Variants in CNIH3 observed in about 807,000 individuals in gnomAD.
CNIH3 encodes cornichon family AMPA receptor auxiliary protein 3.
CNIH3 carries 14 observed loss-of-function variants against 24.1 expected under a neutral mutation model. The observed-to-expected ratio is 0.58, with a 90% CI of 0.38 to 0.91. CNIH3 has a LOEUF of 0.91. Among genes scored for constraint, CNIH3 ranks in the 40% least tolerant of loss-of-function variants. The pLI is 0.00. For missense variants in CNIH3, 178 were observed against 196.8 expected (o/e 0.90, Z 0.57); for synonymous variants, 68 against 73.8 (o/e 0.92, Z 0.40).
chr1:224,512,369 C>T (rs1678190929), upstream of CNIH3, among the ~76,000 whole-genome samples: 1 of 152,128 alleles, frequency 6.6e-6, no homozygotes, highest in Admixed American at 6.5e-5. Context: ...GTAGTTCTAG[C>T]TACTTGGGAG....
At chr1:224,672,191 G>C (rs940248998) in intron 1 of CNIH3, among the ~76,000 whole-genome samples, 3 of 152,104 alleles carry the variant, frequency 2.0e-5, no homozygotes, top group Non-Finnish European at 4.4e-5. Flanking sequence ...ATTGTATTCT[G>C]AGCGTGGGTT....
rs576361319 is a variant in CNIH3, at chr1:224,706,096, C to A, written c.198+21253C>A. On this transcript the variant is annotated intron_variant, in intron 3 of 5. Coordinates refer to ENST00000272133, the MANE Select transcript of CNIH3 (RefSeq NM_152495.2). ...ACTGAGTCTGTTATGAGTCCAACAC[C>A]AGTGCCCGCACATTGTAGGTGTCCA... Among the ~76,000 whole-genome samples, 7 of 152,202 alleles carry A rather than the reference C, an allele frequency of 4.6e-5. No homozygotes were observed. In the South Asian group the frequency reaches 1.5e-3, roughly 32 times the overall value.
At chr1:224,505,784 C>T (rs908268605) in intron 1 of CNIH3, among the ~76,000 whole-genome samples, 2 of 152,182 alleles carry the variant, frequency 1.3e-5, no homozygotes, top group African/African-American at 4.8e-5. Flanking sequence ...ATTTTATTTA[C>T]TGTTTATACC....
intron 5 of CNIH3, among the ~76,000 whole-genome samples, chr1:224,738,668 C>A (rs1032438677): frequency 6.6e-6 from 1 of 152,040 alleles, no homozygotes; most frequent in East Asian, 1.9e-4. Flanking sequence ...GCAAAATTAC[C>A]CTGAAGCCCT....
downstream of CNIH3, among the ~76,000 whole-genome samples, chr1:224,539,409 T>C (rs1499284): frequency 0.017 from 2,583 of 152,340 alleles, 80 homozygotes; most frequent in African/African-American, 0.058. Flanking sequence ...TTGACTCTTA[T>C]GGATTATTTC....
At chr1:224,434,876 A>G in intron 1 of CNIH3, 1 of 983,922 alleles carries the variant, frequency 1.0e-6, no homozygotes, top group Non-Finnish European at 1.2e-6. Context: ...TGGAACCTAT[A>G]GGGGGCCTGT....
chr1:224,593,808 AT>A (rs1681863633), intron 3 of CNIH3, among the ~76,000 whole-genome samples: 1 of 152,184 alleles, frequency 6.6e-6, no homozygotes, highest in African/African-American at 2.4e-5. Context: ...ATCCATAGAC[AT>A]TTGCTCCCCT....
chr1:224,710,592 C>G (rs897605294), intron 3 of CNIH3, among the ~76,000 whole-genome samples: 1 of 152,180 alleles, frequency 6.6e-6, no homozygotes, highest in African/African-American at 2.4e-5. Flanking sequence ...TATCTTTTAA[C>G]CTTATTGCAA....
chr1:224,503,876 T>C (rs1677790413), intron 1 of CNIH3, among the ~76,000 whole-genome samples: 1 of 152,224 alleles, frequency 6.6e-6, no homozygotes, highest in Non-Finnish European at 1.5e-5. Context: ...AACCACAGGC[T>C]CTGAGGCCTC....
At chr1:224,488,277 T>C (rs1677103501) in intron 1 of CNIH3, among the ~76,000 whole-genome samples, 1 of 152,116 alleles carries the variant, frequency 6.6e-6, no homozygotes, top group African/African-American at 2.4e-5. Flanking sequence ...GGTACTCCAA[T>C]TGTACTTACG....
chr1:224,676,378 G>A (rs971714158), intron 1 of CNIH3, among the ~76,000 whole-genome samples: 1 of 152,146 alleles, frequency 6.6e-6, no homozygotes, highest in African/African-American at 2.4e-5. Context: ...TGTTGCAGGA[G>A]GGAATTTTGG....
intron 2 of CNIH3, among the ~76,000 whole-genome samples, chr1:224,531,102 T>C (rs1294153441): frequency 6.6e-6 from 1 of 152,214 alleles, no homozygotes; most frequent in Non-Finnish European, 1.5e-5. Context: ...TTTGGAGACA[T>C]CAAGGAGAAA....
intron 3 of CNIH3, among the ~76,000 whole-genome samples, chr1:224,709,261 T>G (rs1687996987): frequency 6.7e-6 from 1 of 148,422 alleles, no homozygotes; most frequent in Non-Finnish European, 1.5e-5. Context: ...CATCTTCTCC[T>G]GCTCTCTCTC....
At chr1:224,632,728 C>A (rs1280652890) in intron 1 of CNIH3, among the ~76,000 whole-genome samples, 3 of 152,134 alleles carry the variant, frequency 2.0e-5, no homozygotes, top group African/African-American at 7.2e-5. Flanking sequence ...CATGACTTAT[C>A]CTGGAATAAT....
At chr1:224,564,543 G>A (rs2124989222) in intron 3 of CNIH3, among the ~76,000 whole-genome samples, 1 of 152,346 alleles carries the variant, frequency 6.6e-6, no homozygotes, top group South Asian at 2.1e-4. Flanking sequence ...AGGTCAAAGT[G>A]AATGACAAGG....
At chr1:224,631,550 C>G (rs181314187) in intron 1 of CNIH3, among the ~76,000 whole-genome samples, 1 of 152,150 alleles carries the variant, frequency 6.6e-6, no homozygotes, top group East Asian at 1.9e-4. Context: ...TTCTCTTTTG[C>G]CCTCCTTTTA....
intron 1 of CNIH3, among the ~76,000 whole-genome samples, chr1:224,618,172 A>C (rs1018920243): frequency 6.6e-6 from 1 of 152,224 alleles, no homozygotes; most frequent in Non-Finnish European, 1.5e-5. Flanking sequence ...AGACTGTGCA[A>C]CATTTAGCGA....
chr1:224,588,463 C>T (rs4654050), exon 6 of CNIH3: 16,285 of 152,056 alleles, frequency 0.11, 957 homozygotes, highest in South Asian at 0.24. Flanking sequence ...ATGATGTCTG[C>T]GTAAGAATTC....
At chr1:224,701,723 G>A (rs541104432) in intron 3 of CNIH3, among the ~76,000 whole-genome samples, 3 of 152,222 alleles carry the variant, frequency 2.0e-5, no homozygotes, top group Non-Finnish European at 2.9e-5. Flanking sequence ...GATCTCACTC[G>A]CGACAGCCCT....
Sources: allele counts gnomAD v4.1 joint callset (sites outside exome capture counted in the v4.1 genomes callset), GRCh38; gene constraint gnomAD v4.1.1; transcripts MANE v1.5; gene names NCBI Gene and HGNC (gene_info 2026-07-23, HGNC 2026-07-21).